Variants in RNF152 observed in about 807,000 individuals in gnomAD.
The protein encoded by RNF152 is E3 ubiquitin-protein ligase RNF152.
A neutral mutation model predicts 12.7 loss-of-function variants in RNF152; 11 were observed. The observed-to-expected ratio is 0.86, with a 90% CI of 0.54 to 1.43. The LOEUF (loss-of-function observed/expected upper bound fraction) is 1.43. RNF152 is among the 40% of genes most tolerant of loss of function. The probability of loss-of-function intolerance (pLI) is 0.00; values close to 1 mark genes in which losing one functional copy is unlikely to be tolerated. For synonymous variants in RNF152, 113 were observed against 120.3 expected, an observed-to-expected ratio of 0.94 and a Z score of 0.40; for missense variants, 255 against 274.8, an observed-to-expected ratio of 0.93 and a Z score of 0.51.
chr18:61,842,239 C>T (rs1910487814), intron 1 of RNF152, among the ~76,000 whole-genome samples: 1 of 152,226 alleles, frequency 6.6e-6, no homozygotes, highest in African/African-American at 2.4e-5. Flanking sequence ...CATTTTCTAG[C>T]CAACACAGTG....
chr18:61,834,684 T>A (rs75096945), intron 1 of RNF152, among the ~76,000 whole-genome samples: 6 of 132,508 alleles, frequency 4.5e-5, no homozygotes, highest in Non-Finnish European at 8.6e-5. Context: ...AGGCCATTTT[T>A]AAAAAAAATT....
chr18:61,876,401 G>C (rs1912216254), intron 1 of RNF152, among the ~76,000 whole-genome samples: 1 of 152,056 alleles, frequency 6.6e-6, no homozygotes, highest in Non-Finnish European at 1.5e-5. Flanking sequence ...CAAGAGTTAG[G>C]GAAGATATAA....
At chr18:61,879,349 T>C (rs1810005373) in intron 1 of RNF152, among the ~76,000 whole-genome samples, 1 of 152,218 alleles carries the variant, frequency 6.6e-6, no homozygotes, top group African/African-American at 2.4e-5. Flanking sequence ...ATTTAAAGTA[T>C]ACACGAGGAA....
chr18:61,878,323 C>T (rs1912308639), intron 1 of RNF152, among the ~76,000 whole-genome samples: 1 of 152,160 alleles, frequency 6.6e-6, no homozygotes, highest in Non-Finnish European at 1.5e-5. Context: ...GGACGGTCTT[C>T]CCACAATAAA....
At chr18:61,882,511 A>G (rs1415004352) in intron 1 of RNF152, among the ~76,000 whole-genome samples, 1 of 152,262 alleles carries the variant, frequency 6.6e-6, no homozygotes, top group African/African-American at 2.4e-5. Flanking sequence ...ATGAGGTTAC[A>G]GAACTGGCAA....
At chr18:61,847,512 T>C (rs1327211221) in intron 1 of RNF152, among the ~76,000 whole-genome samples, 5 of 152,228 alleles carry the variant, frequency 3.3e-5, no homozygotes, top group Middle Eastern at 3.2e-3. Flanking sequence ...AGGGAAAATA[T>C]AGGCATTGCA....
chr18:61,821,711 C>T (rs1422523246), intron 1 of RNF152, among the ~76,000 whole-genome samples: 10 of 152,182 alleles, frequency 6.6e-5, no homozygotes, highest in Non-Finnish European at 1.3e-4. Context: ...AGCAGAAGGT[C>T]AGCAGCTGGT....
intron 1 of RNF152, among the ~76,000 whole-genome samples, chr18:61,858,929 G>A (rs564960288): frequency 6.6e-6 from 1 of 152,282 alleles, no homozygotes; most frequent in Non-Finnish European, 1.5e-5. Flanking sequence ...GGGTCCCCTG[G>A]CTTTGTTCTT....
At chr18:61,879,394 A>G (rs1332159719) in intron 1 of RNF152, among the ~76,000 whole-genome samples, 1 of 152,208 alleles carries the variant, frequency 6.6e-6, no homozygotes, top group Non-Finnish European at 1.5e-5. Flanking sequence ...ATGGCATATC[A>G]TATCAGGGAC....
At chr18:61,859,663 G>C (rs1442505749) in intron 1 of RNF152, among the ~76,000 whole-genome samples, 1 of 152,196 alleles carries the variant, frequency 6.6e-6, no homozygotes, top group Non-Finnish European at 1.5e-5. Context: ...CAGATCACTT[G>C]AAGTCAGGAG....
At chr18:61,871,356 A>ACAATACTTAAAACAGCAC (rs1911988846) in intron 1 of RNF152, among the ~76,000 whole-genome samples, 1 of 152,118 alleles carries the variant, frequency 6.6e-6, no homozygotes, top group African/African-American at 2.4e-5. Flanking sequence ...TAACACATAT[A>ACAATACTTAAAACAGCAC]CAATACTTAA....
chr18:61,815,828 C>A lies in RNF152; in HGVS notation c.*24G>T. The A allele has an allele frequency of 1.2e-6, 2 of 1,604,704 alleles. No homozygotes were observed. Among genetic ancestry groups the A allele is most frequent in the South Asian group, 1.1e-5 (1 of 89,968 alleles). On this transcript the variant is annotated 3_prime_UTR_variant, in exon 2 of 2. Coordinates refer to ENST00000312828, the MANE Select transcript of RNF152 (RefSeq NM_173557.3). ...TGCTCAACCCCTAAGTTGGCACCCA[C>A]AAGAGACTTCCCTGCAGCCCTCTTC...
chr18:61,892,409 T>G (rs559139209), intron 1 of RNF152, among the ~76,000 whole-genome samples: 1 of 152,186 alleles, frequency 6.6e-6, no homozygotes, highest in African/African-American at 2.4e-5. Context: ...AGCCTTCCAA[T>G]GATACCTTTT....
rs1165825760 is a variant in RNF152, at chr18:61,811,405, TG to T, written c.*4446del. On this transcript the variant is annotated 3_prime_UTR_variant, in exon 2 of 2. Coordinates refer to ENST00000312828, the MANE Select transcript of RNF152 (RefSeq NM_173557.3). ...GTAAACTTCAAGTCTTTAAATTTCA[TG>T]GGCAGTATTTTTTACTGTTAAAAAA... is the stretch of plus-strand genomic sequence containing the variant. 7.2e-5 allele frequency: 11 copies of T among 152,214 alleles called. No individual in the cohort carries two copies. Among genetic ancestry groups the T allele is most frequent in the Non-Finnish European group, 1.5e-4 (10 of 68,036 alleles). 9.4% of individuals were successfully genotyped at this position (152,214 alleles called of 1,614,324 possible). A position where few individuals can be genotyped will look rare whatever the true frequency, so the allele number is the denominator to read the frequency against.
chr18:61,883,244 A>G (rs1040528365), intron 1 of RNF152, among the ~76,000 whole-genome samples: 22 of 152,314 alleles, frequency 1.4e-4, no homozygotes, highest in African/African-American at 4.8e-4. Flanking sequence ...CACCATTTCA[A>G]TAAGTCTTTA....
Position 61,811,761 on chromosome 18 carries a change from C to CT in RNF152, c.*4090dup, listed in dbSNP as rs1373113964. On this transcript the variant is annotated 3_prime_UTR_variant, in exon 2 of 2. Transcript: ENST00000312828. ...GGCTTTTTTTTTCCTGTAACATTTA[C>CT]TTTTTGGCCACAAGACCCTAGACAC... is the stretch of plus-strand genomic sequence containing the variant. 3 of 152,210 alleles carry CT rather than the reference C, an allele frequency of 2.0e-5. No individual in the cohort carries two copies. Among genetic ancestry groups the CT allele is most frequent in the East Asian group, 3.9e-4 (2 of 5,180 alleles). The allele number at this position is 152,210 out of a possible 1,614,324, so 9.4% of individuals were successfully genotyped here. A position where few individuals can be genotyped will look rare whatever the true frequency, so the allele number is the denominator to read the frequency against.
intron 1 of RNF152, among the ~76,000 whole-genome samples, chr18:61,820,869 C>G (rs1909370861): frequency 6.6e-6 from 1 of 152,156 alleles, no homozygotes; most frequent in South Asian, 2.1e-4. Flanking sequence ...TGTCACTAAC[C>G]AGCTGTGATA....
intron 1 of RNF152, among the ~76,000 whole-genome samples, chr18:61,878,718 G>A (rs1912323993): frequency 6.6e-6 from 1 of 152,168 alleles, no homozygotes; most frequent in Non-Finnish European, 1.5e-5. Context: ...CCTTATTGTT[G>A]TGTCCTCACG....
At chr18:61,845,059 T>C (rs1294506999) in intron 1 of RNF152, among the ~76,000 whole-genome samples, 5 of 152,128 alleles carry the variant, frequency 3.3e-5, no homozygotes, top group Non-Finnish European at 5.9e-5. Context: ...TGAGTTGAGA[T>C]GATTTTATTT....
Sources: allele counts gnomAD v4.1 joint callset (sites outside exome capture counted in the v4.1 genomes callset), GRCh38; gene constraint gnomAD v4.1.1; transcripts MANE v1.5; gene names NCBI Gene and HGNC (gene_info 2026-07-23, HGNC 2026-07-21).